The following JARID2 variants were observed in gnomAD, a reference collection of about 807,000 sequenced individuals.
JARID2 encodes the protein jumonji and AT-rich interaction domain containing 2, also known as protein Jumonji.
JARID2 carries 21 observed loss-of-function variants against 125.6 expected under a neutral mutation model. The observed-to-expected ratio is 0.17, with a 90% CI of 0.12 to 0.24. JARID2 has a LOEUF of 0.24. Among genes scored for constraint, JARID2 ranks in the 10% least tolerant of loss-of-function variants. The pLI, the probability that JARID2 is intolerant of heterozygous loss-of-function variation, is 1.00. For synonymous variants in JARID2, 736 were observed against 661.6 expected, an observed-to-expected ratio of 1.11 and a Z score of -1.73; for missense variants, 1,303 against 1,639.6, an observed-to-expected ratio of 0.79 and a Z score of 3.55.
At chr6:15,413,023 G>GTTTTTTTTTTTTTTTTTTTTTTT (rs1349875486) in intron 3 of JARID2, among the ~76,000 whole-genome samples, 1 of 68,006 alleles carries the variant, frequency 1.5e-5, no homozygotes, top group Non-Finnish European at 2.6e-5. Flanking sequence ...TTTTTTTTTT[G>GTTTTTTTTTTTTTTTTTTTTTTT]TTTTTTTTTT....
chr6:15,433,813 GCATTAAT>G (rs1470077834), intron 3 of JARID2, among the ~76,000 whole-genome samples: 1 of 151,992 alleles, frequency 6.6e-6, no homozygotes, highest in East Asian at 1.9e-4. Flanking sequence ...CTTATAATTA[GCATTAAT>G]GGATGATACT....
intron 4 of JARID2, among the ~76,000 whole-genome samples, chr6:15,465,872 C>T (rs373649367): frequency 1.3e-5 from 2 of 151,762 alleles, no homozygotes; most frequent in African/African-American, 2.4e-5. Context: ...GGCATGATCT[C>T]GGCTCACTGC....
At chr6:15,382,217 C>G (rs977779726) in intron 2 of JARID2, among the ~76,000 whole-genome samples, 2 of 152,290 alleles carry the variant, frequency 1.3e-5, no homozygotes, top group Middle Eastern at 3.4e-3. Flanking sequence ...GAGCCAAGAT[C>G]GCACCACTGC....
intron 1 of JARID2, among the ~76,000 whole-genome samples, chr6:15,347,320 T>C (rs1763276136): frequency 6.6e-6 from 1 of 152,126 alleles, no homozygotes; most frequent in Non-Finnish European, 1.5e-5. Context: ...ATGCAGGACT[T>C]AACGAGAATG....
In JARID2 at chr6:15,246,326, CTTCG is replaced by C. The variant is rs1231437724; in HGVS notation, c.-208_-205del. Reference sequence around the variant, plus strand: ...ACTAAAGTGAATTTTTTTTTGTTTGCTTCGTTCGTCTTTGGCTCTTTTTTTTTCC... The same window carrying C: ...ACTAAAGTGAATTTTTTTTTGTTTGCTTCGTCTTTGGCTCTTTTTTTTTCC... On this transcript the variant is annotated 5_prime_UTR_variant, in exon 1 of 18. Coordinates refer to ENST00000341776, the MANE Select transcript of JARID2 (RefSeq NM_004973.4). 5.6e-6 allele frequency: 3 copies of C among 538,758 alleles called. No homozygotes were observed. The highest frequency in any genetic ancestry group is 9.8e-6 in the Non-Finnish European group (3 of 306,848). The allele number at this position is 538,758 out of a possible 1,614,324, so 33.4% of individuals were successfully genotyped here.
chr6:15,383,744 G>T (rs1305590221), intron 2 of JARID2, among the ~76,000 whole-genome samples: 2 of 152,160 alleles, frequency 1.3e-5, no homozygotes, highest in South Asian at 4.1e-4. Flanking sequence ...AGCATTTACC[G>T]TGATTGAACA....
chr6:15,364,188 C>T (rs1030384335), intron 1 of JARID2, among the ~76,000 whole-genome samples: 12 of 152,106 alleles, frequency 7.9e-5, no homozygotes, highest in African/African-American at 2.9e-4. Context: ...AAAATGATCC[C>T]CCAGCAGTGT....
At chr6:15,358,802 G>A (rs934114090) in intron 1 of JARID2, among the ~76,000 whole-genome samples, 2 of 152,240 alleles carry the variant, frequency 1.3e-5, no homozygotes, top group African/African-American at 4.8e-5. Context: ...CAGTCTTGAT[G>A]TTAAGGAGTT....
At chr6:15,320,708 A>G (rs1024660396) in intron 1 of JARID2, among the ~76,000 whole-genome samples, 6 of 152,236 alleles carry the variant, frequency 3.9e-5, no homozygotes, top group African/African-American at 1.2e-4. Context: ...AGGATAATAT[A>G]GGAAATAATT....
intron 5 of JARID2, among the ~76,000 whole-genome samples, chr6:15,481,288 T>TA (rs1769600726): frequency 6.6e-6 from 1 of 152,222 alleles, no homozygotes; most frequent in Non-Finnish European, 1.5e-5. Context: ...CTGAGTACAA[T>TA]ACAATTTCCT....
chr6:15,412,455 C>T (rs1765919591), intron 3 of JARID2, among the ~76,000 whole-genome samples: 1 of 151,992 alleles, frequency 6.6e-6, no homozygotes, highest in African/African-American at 2.4e-5. Flanking sequence ...ATTACAGGCA[C>T]ACACCACCAT....
intron 3 of JARID2, among the ~76,000 whole-genome samples, chr6:15,451,024 G>A (rs113267374): frequency 6.6e-6 from 1 of 152,252 alleles, no homozygotes; most frequent in African/African-American, 2.4e-5. Context: ...TTAGCTGGGC[G>A]TGGTGGTGCA....
intron 1 of JARID2, among the ~76,000 whole-genome samples, chr6:15,339,723 C>T (rs1246487560): frequency 2.0e-5 from 3 of 151,876 alleles, no homozygotes; most frequent in Non-Finnish European, 4.4e-5. Context: ...TTAGTGGAGA[C>T]AGGGTTTCAC....
intron 2 of JARID2, among the ~76,000 whole-genome samples, chr6:15,398,495 T>G (rs1305003719): frequency 6.6e-6 from 1 of 152,214 alleles, no homozygotes; most frequent in Admixed American, 6.5e-5. Flanking sequence ...ATAGGGTAGT[T>G]TGCATGTTTC....
chr6:15,499,983 C>CT (rs1171427015), intron 7 of JARID2, among the ~76,000 whole-genome samples: 1 of 152,152 alleles, frequency 6.6e-6, no homozygotes, highest in African/African-American at 2.4e-5. Flanking sequence ...CCTTTTATTA[C>CT]TTAAAAACAA....
intron 1 of JARID2, among the ~76,000 whole-genome samples, chr6:15,365,337 C>T (rs1049674066): frequency 2.0e-5 from 3 of 152,166 alleles, no homozygotes; most frequent in Non-Finnish European, 2.9e-5. Flanking sequence ...AGCGAACCGT[C>T]AGATCCAGCA....
At chr6:15,312,295 C>T (rs1762040864) in intron 1 of JARID2, among the ~76,000 whole-genome samples, 1 of 152,168 alleles carries the variant, frequency 6.6e-6, no homozygotes, top group South Asian at 2.1e-4. Context: ...CCTCGTGATC[C>T]ACCCGCCTCG....
At chr6:15,450,187 G>T (rs1430389643) in intron 3 of JARID2, among the ~76,000 whole-genome samples, 1 of 151,884 alleles carries the variant, frequency 6.6e-6, no homozygotes, top group African/African-American at 2.4e-5. Context: ...TATTATTTTT[G>T]AGACGGAGTT....
chr6:15,477,739 C>T (rs1769418416), intron 5 of JARID2, among the ~76,000 whole-genome samples: 1 of 152,106 alleles, frequency 6.6e-6, no homozygotes, highest in African/African-American at 2.4e-5. Flanking sequence ...TTGGCAATAA[C>T]TAAATGAATT....
Sources: gnomAD v4.1 joint callset for allele counts (sites outside exome capture counted in the v4.1 genomes callset) on GRCh38, gnomAD v4.1.1 for gene constraint, MANE v1.5 for transcripts, NCBI Gene and HGNC (gene_info 2026-07-23, HGNC 2026-07-21) for gene names.